Variants in CADPS2 observed in about 807,000 individuals in gnomAD.
CADPS2 encodes calcium-dependent secretion activator 2.
In CADPS2, 93 loss-of-function variants were observed where a neutral mutation model predicts 172.5. The observed-to-expected ratio is 0.54, with a 90% CI of 0.46 to 0.64. The LOEUF (loss-of-function observed/expected upper bound fraction) is 0.64, where lower values mean the gene tolerates loss of function less well. Among genes scored for constraint, CADPS2 ranks in the 30% least tolerant of loss-of-function variants. The probability of loss-of-function intolerance (pLI) is 0.00; values close to 1 mark genes in which losing one functional copy is unlikely to be tolerated. For synonymous variants in CADPS2, 546 were observed against 555.2 expected (o/e 0.98, Z 0.23); for missense variants, 1,420 against 1,565.9 (o/e 0.91, Z 1.57).
intron 7 of CADPS2, among the ~76,000 whole-genome samples, chr7:122,559,208 G>A (rs1162410373): frequency 6.6e-6 from 1 of 152,130 alleles, no homozygotes; most frequent in African/African-American, 2.4e-5. Context: ...CTGACATGGG[G>A]TAGGGGATGA....
intron 25 of CADPS2, 127 bp from the exon 26 acceptor site, chr7:122,361,140 G>A: frequency 1.4e-6 from 1 of 705,068 alleles, no homozygotes. Flanking sequence ...GACAGCTGAG[G>A]TCAGACTAAC....
chr7:122,679,741 T>C (rs2082822530), intron 2 of CADPS2, among the ~76,000 whole-genome samples: 1 of 152,180 alleles, frequency 6.6e-6, no homozygotes, highest in African/African-American at 2.4e-5. Flanking sequence ...TTTTGTACTC[T>C]TTCCCTTTAT....
rs1209355881 is a variant in CADPS2, at chr7:122,536,593, CGA to C, written c.1475+17955_1475+17956del. ...GAGAAAAAATAAGCACACAAACAGG[CGA>C]GAGACCATTTACTGATGAGGGTCAG... is the stretch of plus-strand genomic sequence containing the variant. On this transcript the variant is annotated intron_variant, in intron 8 of 29. Coordinates refer to ENST00000449022, the MANE Select transcript of CADPS2 (RefSeq NM_017954.11). Among the ~76,000 whole-genome samples the C allele has an allele frequency of 2.0e-5, 3 of 152,022 alleles. No homozygotes were observed. In the East Asian group the frequency reaches 5.8e-4, roughly 29 times the overall value.
At chr7:122,590,121 G>A (rs1420479071) in intron 6 of CADPS2, among the ~76,000 whole-genome samples, 1 of 151,626 alleles carries the variant, frequency 6.6e-6, no homozygotes. Flanking sequence ...AATTCATAAG[G>A]AATCTCTAGG....
At chr7:122,730,140 T>C (rs1319096453) in intron 2 of CADPS2, among the ~76,000 whole-genome samples, 2 of 151,710 alleles carry the variant, frequency 1.3e-5, no homozygotes, top group African/African-American at 2.4e-5. Flanking sequence ...ACAATGCCTA[T>C]ATGAATCAGT....
chr7:122,765,097 C>G (rs987923349), intron 1 of CADPS2, among the ~76,000 whole-genome samples: 2 of 152,156 alleles, frequency 1.3e-5, no homozygotes, highest in African/African-American at 4.8e-5. Context: ...TCTGACACTT[C>G]CATGGATTAT....
intron 1 of CADPS2, among the ~76,000 whole-genome samples, chr7:122,815,062 T>C (rs1385397834): frequency 6.6e-6 from 1 of 152,102 alleles, no homozygotes; most frequent in Non-Finnish European, 1.5e-5. Flanking sequence ...CAGTTTTATA[T>C]GCCAATGCCA....
At chr7:122,747,981 C>A (rs1205125288) in intron 1 of CADPS2, among the ~76,000 whole-genome samples, 2 of 152,156 alleles carry the variant, frequency 1.3e-5, no homozygotes, top group Non-Finnish European at 2.9e-5. Context: ...ATACATCTGT[C>A]ACTTGCTTAT....
chr7:122,443,764 G>A (rs940619421), intron 15 of CADPS2, among the ~76,000 whole-genome samples: 3 of 139,164 alleles, frequency 2.2e-5, no homozygotes, highest in African/African-American at 8.0e-5. Flanking sequence ...GATTCTTTTG[G>A]TATTTAAACT....
In CADPS2 at chr7:122,663,530, T is replaced by A. The variant is rs1452000578; in HGVS notation, c.493A>T (p.Ser165Cys). 1 of 1,598,538 alleles carries A rather than the reference T, an allele frequency of 6.3e-7. No homozygotes were observed. The highest frequency in any genetic ancestry group is 8.5e-7 in the Non-Finnish European group (1 of 1,171,228). ...AAGTCATTAGCAGAACACCCTCCAC[T>A]CTGTACCATTCTGGCCACTCGGTCA... The part of the protein sequence containing the change: ...KSDRVARMVQ[S>C]GGCSANDFRE... The change falls in exon 3 of 30, where the codon AGT becomes TGT. Residue 165 changes from serine to cysteine, a missense_variant. Physicochemically the swap from Ser to Cys is moderately radical, Grantham distance 112. Coordinates refer to ENST00000449022, the MANE Select transcript of CADPS2 (RefSeq NM_017954.11).
chr7:122,345,468 G>T, intron 28 of CADPS2, 106 bp downstream of exon 28: 1 of 675,558 alleles, frequency 1.5e-6, no homozygotes. Flanking sequence ...GAAGATACAG[G>T]ATCACAAAAA....
At chr7:122,702,357 A>G (rs1344575213) in intron 2 of CADPS2, 1 of 1,613,740 alleles carries the variant, frequency 6.2e-7, no homozygotes, top group African/African-American at 1.3e-5. Context: ...GTACCTTGAT[A>G]GTTGTAGATG....
At chr7:122,329,934 T>C (rs2034622420) in intron 28 of CADPS2, among the ~76,000 whole-genome samples, 1 of 152,236 alleles carries the variant, frequency 6.6e-6, no homozygotes, top group Non-Finnish European at 1.5e-5. Flanking sequence ...GCTGCTTCGC[T>C]AGGGCACAAA....
intron 1 of CADPS2, among the ~76,000 whole-genome samples, chr7:122,767,043 T>C (rs2093573779): frequency 6.6e-6 from 1 of 152,156 alleles, no homozygotes; most frequent in African/African-American, 2.4e-5. Flanking sequence ...ACAAAAATCA[T>C]TGTATCCTAA....
intron 3 of CADPS2, among the ~76,000 whole-genome samples, chr7:122,660,184 T>G (rs2080363289): frequency 6.6e-6 from 1 of 152,280 alleles, no homozygotes; most frequent in Non-Finnish European, 1.5e-5. Flanking sequence ...TATTGGGGGT[T>G]ATAGCATATT....
chr7:122,674,781 T>C (rs767872966), intron 2 of CADPS2, among the ~76,000 whole-genome samples: 7 of 152,216 alleles, frequency 4.6e-5, no homozygotes, highest in African/African-American at 1.7e-4. Flanking sequence ...GCTGCCAGCA[T>C]GTGTTCAGCA....
At chr7:122,493,084 A>G (rs2058442848) in intron 9 of CADPS2, among the ~76,000 whole-genome samples, 1 of 152,196 alleles carries the variant, frequency 6.6e-6, no homozygotes, top group African/African-American at 2.4e-5. Flanking sequence ...CTTCATTTAA[A>G]GGGTATCATG....
rs1200409594 is a variant in CADPS2 at position 122,645,818 on chromosome 7, G to GTA, written c.787-16492_787-16491dup. Among the ~76,000 whole-genome samples, 3 of 148,586 alleles carry GTA rather than the reference G, an allele frequency of 2.0e-5. 1 individual carries two copies. Among genetic ancestry groups the GTA allele is most frequent in the South Asian group, 4.2e-4 (2 of 4,756 alleles). On this transcript the variant is annotated intron_variant, in intron 3 of 29. Transcript: ENST00000449022. ...TATATAAACATGAAGATATATATAT[G>GTA]TATATATATAAAACAACAGCAATAA...
chr7:122,857,702 T>A (rs1213858803), intron 1 of CADPS2, among the ~76,000 whole-genome samples: 1 of 152,194 alleles, frequency 6.6e-6, no homozygotes. Context: ...AATACTCAAG[T>A]CACTTCATGT....
Sources: allele counts gnomAD v4.1 joint callset (sites outside exome capture counted in the v4.1 genomes callset), GRCh38; gene constraint gnomAD v4.1.1; transcripts MANE v1.5; gene names NCBI Gene and HGNC (gene_info 2026-07-23, HGNC 2026-07-21).